The following RPS6KA1 variants were observed in gnomAD, a reference collection of about 807,000 sequenced individuals.
RPS6KA1 encodes ribosomal protein S6 kinase A1.
RPS6KA1 carries 48 observed loss-of-function variants against 91.3 expected under a neutral mutation model. That is an observed-to-expected ratio of 0.53 (90% CI 0.42 to 0.67). RPS6KA1 has a LOEUF of 0.67. RPS6KA1 is among the 30% of genes least tolerant of loss of function. The probability of loss-of-function intolerance (pLI) is 0.00; values close to 1 mark genes in which losing one functional copy is unlikely to be tolerated. For missense variants in RPS6KA1, 719 were observed against 960.5 expected, an observed-to-expected ratio of 0.75 and a Z score of 3.32; for synonymous variants, 359 against 384.7, an observed-to-expected ratio of 0.93 and a Z score of 0.78.
intron 17 of RPS6KA1, among the ~76,000 whole-genome samples, chr1:26,564,968 A>C (rs2076186632): frequency 6.6e-6 from 1 of 152,226 alleles, no homozygotes; most frequent in Non-Finnish European, 1.5e-5. Context: ...CCTGAAGCTA[A>C]AAGTAAGGAG....
intron 17 of RPS6KA1, among the ~76,000 whole-genome samples, chr1:26,569,144 T>C (rs1468384095): frequency 9.3e-5 from 14 of 151,228 alleles, no homozygotes; most frequent in South Asian, 6.3e-4. Context: ...TGATCCAAGA[T>C]TGTGCTGCTG....
At chr1:26,570,207 A>G (rs373006834) in intron 17 of RPS6KA1, among the ~76,000 whole-genome samples, 7 of 152,172 alleles carry the variant, frequency 4.6e-5, no homozygotes, top group African/African-American at 1.7e-4. Flanking sequence ...TGTACAGGCC[A>G]GGCACAGTTA....
rs143667781 is a variant in RPS6KA1, at chr1:26,555,420, G to A, written c.828-117G>A. On this transcript the variant is annotated intron_variant, in intron 10 of 21. Transcript: ENST00000374168. This position sits in a 1 kb window ranked among gnomAD's most constrained non-coding sequence, Gnocchi z 4.3. ...GTAGGATCCCTGAAGCCTTTGGGAA[G>A]TGAATTAGTGGATGGCTTGTCTAGA... The A allele has an allele frequency of 1.4e-4, 161 of 1,131,728 alleles. No individual in the cohort carries two copies. The East Asian group carries it at 3.9e-3, about 28-fold the overall frequency. The allele number at this position is 1,131,728 out of a possible 1,614,324, so 70.1% of individuals were successfully genotyped here.
In RPS6KA1 at chr1:26,574,306, G is replaced by C; in HGVS notation, c.*105G>C. 1 of 1,453,994 alleles carries C rather than the reference G, an allele frequency of 6.9e-7. No individual in the cohort carries two copies. The highest frequency in any genetic ancestry group is 1.7e-5 in the Admixed American group (1 of 59,240). 90.1% of individuals were successfully genotyped at this position (1,453,994 alleles called of 1,614,324 possible). A position where few individuals can be genotyped will look rare whatever the true frequency, so the allele number is the denominator to read the frequency against. ...ACAGGGCCAGAGGGAGCTGGAACCCGAGGGGCCGGGGAAGCTGCCAGCCCA... is the reference window on the plus strand; with the variant it reads ...ACAGGGCCAGAGGGAGCTGGAACCCCAGGGGCCGGGGAAGCTGCCAGCCCA... On this transcript the variant is annotated 3_prime_UTR_variant, in exon 22 of 22. Transcript: ENST00000374168. The surrounding 1 kb of genome is among the most constrained non-coding windows in gnomAD (Gnocchi z 4.3).
At chr1:26,565,566 T>G (rs1309486644) in intron 17 of RPS6KA1, among the ~76,000 whole-genome samples, 1 of 152,008 alleles carries the variant, frequency 6.6e-6, no homozygotes, top group African/African-American at 2.4e-5. Context: ...TTCTTTTCTT[T>G]TCTTTTTTTT....
Position 26,564,391 on chromosome 1 carries a change from T to C in RPS6KA1, c.1590+2728T>C, listed in dbSNP as rs2076180649. Among the ~76,000 whole-genome samples, 3 of 152,154 alleles carry C rather than the reference T, an allele frequency of 2.0e-5. No homozygotes were observed. The South Asian group carries it at 6.2e-4, about 31-fold the overall frequency. The stretch of plus-strand genomic sequence containing the variant: ...CTCCTGCCTCAGCCTCCCGAGTAGC[T>C]GGGACTACAGGCGCACACCGCCACA... On this transcript the variant is annotated intron_variant, in intron 17 of 21. Transcript: ENST00000374168.
intron 17 of RPS6KA1, among the ~76,000 whole-genome samples, chr1:26,565,619 G>A (rs757132515): frequency 6.6e-6 from 1 of 150,524 alleles, no homozygotes; most frequent in Non-Finnish European, 1.5e-5. Context: ...GGAGTGCAAT[G>A]GCATGGTCTT....
In RPS6KA1 at chr1:26,572,187, T is replaced by C. The variant is rs2076255026; in HGVS notation, c.1841T>C (p.Phe614Ser). 2 of 1,613,718 alleles carry C rather than the reference T, an allele frequency of 1.2e-6. No homozygotes were observed. Among genetic ancestry groups the C allele is most frequent in the African/African-American group, 2.7e-5 (2 of 74,856 alleles). Reference sequence around the variant, plus strand: ...GGGCTTTTCTGCAGATATACTCCATTTGCCAACGGTCCCAGTGACACACCA... The same window carrying C: ...GGGCTTTTCTGCAGATATACTCCATCTGCCAACGGTCCCAGTGACACACCA... ...LYTMLAGYTPFANGPSDTPEE... is the reference protein window; with the variant it reads ...LYTMLAGYTPSANGPSDTPEE... Residue 614 changes from phenylalanine to serine, a missense_variant, in exon 20 of 22, where the codon TTT (phenylalanine) becomes TCT (serine). Transcript: ENST00000374168.
intron 4 of RPS6KA1, among the ~76,000 whole-genome samples, chr1:26,550,862 T>TA (rs1309733358): frequency 1.3e-5 from 2 of 151,902 alleles, no homozygotes; most frequent in African/African-American, 4.8e-5. Flanking sequence ...TTGTATTATT[T>TA]AAAAAAATAA....
intron 2 of RPS6KA1, among the ~76,000 whole-genome samples, chr1:26,539,189 C>T (rs1397330018): frequency 5.9e-5 from 9 of 152,180 alleles, no homozygotes; most frequent in Non-Finnish European, 8.8e-5. Context: ...CATTTCTCTC[C>T]GTAGCATGAC....
intron 2 of RPS6KA1, among the ~76,000 whole-genome samples, chr1:26,542,713 G>C (rs544631927): frequency 6.6e-6 from 1 of 152,078 alleles, no homozygotes; most frequent in South Asian, 2.1e-4. Context: ...TGCCATTGTG[G>C]GTGGGCATAG....
chr1:26,555,080 C>G lies in RPS6KA1; in HGVS notation c.757-71C>G. On this transcript the variant is annotated intron_variant, in intron 9 of 21. Coordinates refer to ENST00000374168, the MANE Select transcript of RPS6KA1 (RefSeq NM_002953.4). The surrounding 1 kb of genome is among the most constrained non-coding windows in gnomAD (Gnocchi z 4.3). Reference sequence around the variant, plus strand: ...AATCCTGGGACTGGGGCAGAGGGGTCTGACTGGGAGGAGGCGGGAGGTGTG... The same window carrying G: ...AATCCTGGGACTGGGGCAGAGGGGTGTGACTGGGAGGAGGCGGGAGGTGTG... 2 of 1,465,638 alleles carry G rather than the reference C, an allele frequency of 1.4e-6. No individual in the cohort carries two copies. Among genetic ancestry groups the G allele is most frequent in the Non-Finnish European group, 1.9e-6 (2 of 1,049,078 alleles). The allele number at this position is 1,465,638 out of a possible 1,614,324, so 90.8% of individuals were successfully genotyped here. A position where few individuals can be genotyped will look rare whatever the true frequency, so the allele number is the denominator to read the frequency against.
chr1:26,534,138 G>A (rs2124611825), intron 1 of RPS6KA1, among the ~76,000 whole-genome samples: 1 of 152,356 alleles, frequency 6.6e-6, no homozygotes, highest in Middle Eastern at 3.4e-3. Flanking sequence ...GCAGCCACGT[G>A]ACTTTGGGTT....
chr1:26,564,161 A>G (rs531765056), intron 17 of RPS6KA1, among the ~76,000 whole-genome samples: 2 of 152,302 alleles, frequency 1.3e-5, no homozygotes, highest in South Asian at 4.1e-4. Context: ...GGCCAACGTC[A>G]TCCAATCTAT....
chr1:26,543,220 A>T (rs1255519085), intron 2 of RPS6KA1: 1 of 1,534,122 alleles, frequency 6.5e-7, no homozygotes, highest in Admixed American at 2.0e-5. Flanking sequence ...TGTCCCAGAA[A>T]GGTGAGCAGA....
chr1:26,540,097 C>T lies in RPS6KA1; in HGVS notation c.108+3128C>T, dbSNP rs2075935749. 6.6e-6 allele frequency among the ~76,000 whole-genome samples: 1 copy of T among 152,148 alleles called. No individual in the cohort carries two copies. The highest frequency in any genetic ancestry group is 1.5e-5 in the Non-Finnish European group (1 of 68,030). On this transcript the variant is annotated intron_variant, in intron 2 of 21. Coordinates refer to ENST00000374168, the MANE Select transcript of RPS6KA1 (RefSeq NM_002953.4). The surrounding 1 kb of genome is among the most constrained non-coding windows in gnomAD (Gnocchi z 4.2). Reference sequence around the variant, plus strand: ...CAGCCACCCTCCTAGTACCTGGGGCCCTGTGGCTGGGCTCTGTCCCTTCAG... The same window carrying T: ...CAGCCACCCTCCTAGTACCTGGGGCTCTGTGGCTGGGCTCTGTCCCTTCAG...
intron 17 of RPS6KA1, among the ~76,000 whole-genome samples, chr1:26,563,523 A>G (rs1226630739): frequency 5.9e-5 from 9 of 152,306 alleles, no homozygotes; most frequent in African/African-American, 9.6e-5. Context: ...CACCTTACCC[A>G]GCCTCTTTTC....
rs558458265 is a variant in RPS6KA1 at position 26,530,665 on chromosome 1, G to A, written c.63+682G>A. ...CTGCCTCCCTTCTTATGCCCCTTCC[G>A]GTAGGAAGGGCTGGGCCCTTGGGGA... On this transcript the variant is annotated intron_variant, in intron 1 of 21. Coordinates refer to ENST00000374168, the MANE Select transcript of RPS6KA1 (RefSeq NM_002953.4). The A allele has an allele frequency of 1.1e-5, 11 of 1,037,390 alleles. No individual in the cohort carries two copies. In the East Asian group the frequency reaches 6.2e-4, roughly 59 times the overall value. The allele number at this position is 1,037,390 out of a possible 1,614,324, so 64.3% of individuals were successfully genotyped here.
intron 2 of RPS6KA1, among the ~76,000 whole-genome samples, chr1:26,539,118 C>A (rs776837958): frequency 6.6e-6 from 1 of 152,218 alleles, no homozygotes; most frequent in African/African-American, 2.4e-5. Context: ...CACATAGAAC[C>A]TCTGCTCTGT....
Sources: gnomAD v4.1 joint callset for allele counts (sites outside exome capture counted in the v4.1 genomes callset) on GRCh38, gnomAD v4.1.1 for gene constraint, Gnocchi (gnomAD v3.1) non-coding constraint, MANE v1.5 for transcripts, NCBI Gene and HGNC (gene_info 2026-07-23, HGNC 2026-07-21) for gene names.